The following OCA2 variants were observed in gnomAD, a reference collection of about 807,000 sequenced individuals.
The protein encoded by OCA2 is OCA2 melanosomal transmembrane protein.
In OCA2, 77 loss-of-function variants were observed where a neutral mutation model predicts 100.2. That is an observed-to-expected ratio of 0.77 (90% CI 0.64 to 0.93). The LOEUF (loss-of-function observed/expected upper bound fraction) is 0.93. Among genes scored for constraint, OCA2 ranks in the 40% least tolerant of loss-of-function variants. The pLI, the probability that OCA2 is intolerant of heterozygous loss-of-function variation, is 0.00. For missense variants in OCA2, 1,062 were observed against 1,089.1 expected, an observed-to-expected ratio of 0.98 and a Z score of 0.35; for synonymous variants, 432 against 439.2, an observed-to-expected ratio of 0.98 and a Z score of 0.21.
chr15:27,886,284 G>C (rs2151570227), intron 19 of OCA2, among the ~76,000 whole-genome samples: 1 of 152,282 alleles, frequency 6.6e-6, no homozygotes, highest in African/African-American at 2.4e-5. Flanking sequence ...GCTATCAAAA[G>C]CACCAAAAGA....
At chr15:27,890,976 G>C (rs1234595766) in intron 19 of OCA2, among the ~76,000 whole-genome samples, 2 of 150,766 alleles carry the variant, frequency 1.3e-5, no homozygotes, top group African/African-American at 4.9e-5. Flanking sequence ...AGTGAGCCAA[G>C]ATTGCACCAC....
intron 3 of OCA2, 94 bp from the exon 4 acceptor site, chr15:28,028,153 G>A (rs1270837929): frequency 3.5e-5 from 49 of 1,390,604 alleles, no homozygotes; most frequent in Middle Eastern, 3.8e-4. Flanking sequence ...AAATGGCACC[G>A]AATCAACCCT....
intron 1 of OCA2, among the ~76,000 whole-genome samples, chr15:28,095,989 C>T (rs934857168): frequency 3.3e-5 from 5 of 152,222 alleles, no homozygotes; most frequent in Non-Finnish European, 7.3e-5. Context: ...AGCGAGAAAC[C>T]GCCCCTGGCT....
intron 23 of OCA2, among the ~76,000 whole-genome samples, chr15:27,771,142 C>T (rs2031812901): frequency 7.6e-6 from 1 of 132,218 alleles, no homozygotes; most frequent in Admixed American, 7.7e-5. Flanking sequence ...TCCCTTCCTT[C>T]CCTCCCCTTG....
rs145561737 is a variant in OCA2 at position 27,988,034 on chromosome 15, C to T, written c.1183-1391G>A. Among the ~76,000 whole-genome samples the T allele has an allele frequency of 7.2e-4, 109 of 152,220 alleles. No homozygotes were observed. The East Asian group carries it at 0.014, about 19-fold the overall frequency. On this transcript the variant is annotated intron_variant, in intron 11 of 23. Coordinates refer to ENST00000354638, the MANE Select transcript of OCA2 (RefSeq NM_000275.3). ...GCTGACGGTGGAGCGTGGGGCTTCG[C>T]ACACCAATGTAGCTTCACGTGAATA...
intron 18 of OCA2, among the ~76,000 whole-genome samples, chr15:27,934,946 T>G (rs1399363431): frequency 2.0e-5 from 3 of 152,194 alleles, no homozygotes; most frequent in Non-Finnish European, 4.4e-5. Context: ...TAAGCTCGTC[T>G]GCTTGGTATT....
At chr15:28,026,931 C>A (rs183847326) in intron 4 of OCA2, among the ~76,000 whole-genome samples, 1 of 152,222 alleles carries the variant, frequency 6.6e-6, no homozygotes, top group African/African-American at 2.4e-5. Context: ...TGAGAGGCCA[C>A]AAAGCCAGGA....
At chr15:28,064,050 G>C (rs2043953678) in intron 2 of OCA2, among the ~76,000 whole-genome samples, 1 of 151,950 alleles carries the variant, frequency 6.6e-6, no homozygotes, top group South Asian at 2.1e-4. Flanking sequence ...ATTTTTGAAG[G>C]GCAGTTTTGC....
At chr15:27,833,116 T>C (rs536737176) in intron 23 of OCA2, among the ~76,000 whole-genome samples, 3 of 152,338 alleles carry the variant, frequency 2.0e-5, no homozygotes, top group Admixed American at 1.3e-4. Context: ...ATACCCAGCC[T>C]GATAAATTCT....
intron 9 of OCA2, among the ~76,000 whole-genome samples, chr15:28,011,752 C>T (rs1054600906): frequency 6.6e-6 from 1 of 151,676 alleles, no homozygotes; most frequent in Non-Finnish European, 1.5e-5. Flanking sequence ...CCTGTCTCTA[C>T]AAAAAATACA....
chr15:27,747,125 G>A, the OCA2 span, among the ~76,000 whole-genome samples: 1 of 152,158 alleles, frequency 6.6e-6, no homozygotes, highest in African/African-American at 2.4e-5. Flanking sequence ...GACAGACTCA[G>A]TGAGCACCTC....
At chr15:28,025,495 C>A (rs1191639832) in intron 4 of OCA2, among the ~76,000 whole-genome samples, 3 of 152,186 alleles carry the variant, frequency 2.0e-5, no homozygotes, top group Non-Finnish European at 4.4e-5. Flanking sequence ...TAACCATGAC[C>A]CCCAAGGCCC....
At chr15:28,066,628 C>CT (rs2044033246) in intron 2 of OCA2, among the ~76,000 whole-genome samples, 1 of 152,140 alleles carries the variant, frequency 6.6e-6, no homozygotes, top group Non-Finnish European at 1.5e-5. Context: ...AAATATATTT[C>CT]TTTGACACAT....
intron 23 of OCA2, among the ~76,000 whole-genome samples, chr15:27,769,529 C>T (rs1021625652): frequency 2.6e-5 from 4 of 152,102 alleles, no homozygotes; most frequent in Non-Finnish European, 4.4e-5. Flanking sequence ...AAAGACTACA[C>T]ATTGGGTGCA....
chr15:27,947,085 G>T (rs900243240), intron 18 of OCA2, among the ~76,000 whole-genome samples: 4 of 152,216 alleles, frequency 2.6e-5, no homozygotes, highest in African/African-American at 9.6e-5. Flanking sequence ...TCCACACTTG[G>T]CTGAACCTAA....
At chr15:27,992,074 G>A (rs906342590) in intron 9 of OCA2, among the ~76,000 whole-genome samples, 7 of 148,940 alleles carry the variant, frequency 4.7e-5, no homozygotes, top group South Asian at 2.1e-4. Flanking sequence ...CCTTCTGTTC[G>A]TTCTCTGCTT....
chr15:28,090,126 A>C (rs1359041570), intron 1 of OCA2, among the ~76,000 whole-genome samples: 1 of 152,208 alleles, frequency 6.6e-6, no homozygotes, highest in Non-Finnish European at 1.5e-5. Flanking sequence ...TAGTGATAAA[A>C]AGGTCACTTT....
In OCA2 at chr15:27,837,142, T is replaced by A. The variant is rs372627194; in HGVS notation, c.2432+7817A>T. 2.7e-4 allele frequency among the ~76,000 whole-genome samples: 41 copies of A among 152,346 alleles called. 2 individuals are homozygous for A. Among genetic ancestry groups the A allele is most frequent in the East Asian group, 2.1e-3 (11 of 5,184 alleles). On this transcript the variant is annotated intron_variant, in intron 23 of 23. Coordinates refer to ENST00000354638, the MANE Select transcript of OCA2 (RefSeq NM_000275.3). ...TCCTGCAGACCATGTTTCTGCCCAG[T>A]GAGGGAATCTAACATTAGCATAATC... is the stretch of plus-strand genomic sequence containing the variant.
chr15:28,086,068 A>C (rs1262558749), intron 1 of OCA2, among the ~76,000 whole-genome samples: 3 of 152,148 alleles, frequency 2.0e-5, no homozygotes, highest in Non-Finnish European at 4.4e-5. Context: ...GGGAGTTTGG[A>C]CATTCACCGT....
Sources: gnomAD v4.1 joint callset for allele counts (sites outside exome capture counted in the v4.1 genomes callset) on GRCh38, gnomAD v4.1.1 for gene constraint, MANE v1.5 for transcripts, NCBI Gene and HGNC (gene_info 2026-07-23, HGNC 2026-07-21) for gene names.